The following CYP2C8 variants were observed in gnomAD, a reference collection of about 807,000 sequenced individuals.
CYP2C8 encodes cytochrome P450 family 2 subfamily C member 8, also known as cytochrome P450 2C8.
Under a neutral mutation model 41.3 loss-of-function variants are expected in CYP2C8, and 51 were observed. That is an observed-to-expected ratio of 1.24 (90% confidence interval 0.99 to 1.56). The LOEUF is 1.56. CYP2C8 is among the 40% of genes most tolerant of loss of function. The probability of loss-of-function intolerance (pLI) is 0.00; values close to 1 mark genes in which losing one functional copy is unlikely to be tolerated. For missense variants in CYP2C8, 651 were observed against 579.9 expected, an observed-to-expected ratio of 1.12 and a Z score of -1.26; for synonymous variants, 218 against 205.8, an observed-to-expected ratio of 1.06 and a Z score of -0.51.
intron 5 of CYP2C8, among the ~76,000 whole-genome samples, chr10:95,051,708 T>C (rs34909476): frequency 0.26 from 39,855 of 151,954 alleles, 5,449 homozygotes; most frequent in Non-Finnish European, 0.29. Context: ...ACAATATGCT[T>C]CTGAGTGAAC....
chr10:95,064,757 C>A (rs767481104), intron 4 of CYP2C8, 43 bp downstream of exon 4: 6 of 1,594,362 alleles, frequency 3.8e-6, no homozygotes, highest in Non-Finnish European at 5.2e-6. Flanking sequence ...TCCCTACAAC[C>A]TTGAATAAAT....
rs1421666513 is a variant in CYP2C8, at chr10:95,045,701, CAG to C, written c.961+107_961+108del. 7 of 1,365,414 alleles carry C rather than the reference CAG, an allele frequency of 5.1e-6. No individual in the cohort carries two copies. The Admixed American group carries it at 1.2e-4, about 23-fold the overall frequency. 84.6% of individuals were successfully genotyped at this position (1,365,414 alleles called of 1,614,324 possible). On this transcript the variant is annotated intron_variant, in intron 6 of 8. Transcript: ENST00000371270. ...TTTAGACAGATTACAGCTGATGACACAGAAATTTAAAGAATGAGCCTTCTCTG... is the reference window on the plus strand; with the variant it reads ...TTTAGACAGATTACAGCTGATGACACAAATTTAAAGAATGAGCCTTCTCTG...
At chr10:95,049,925 T>C (rs1226892480) in intron 5 of CYP2C8, among the ~76,000 whole-genome samples, 2 of 136,742 alleles carry the variant, frequency 1.5e-5, no homozygotes, top group Non-Finnish European at 3.1e-5. Flanking sequence ...TTTGGGTAAG[T>C]CTCTGAGGCT....
intron 5 of CYP2C8, among the ~76,000 whole-genome samples, chr10:95,054,547 G>A (rs1216330689): frequency 6.6e-6 from 1 of 152,066 alleles, no homozygotes; most frequent in Non-Finnish European, 1.5e-5. Context: ...TAGCACTTAA[G>A]GTCCTAGCCA....
intron 5 of CYP2C8, among the ~76,000 whole-genome samples, chr10:95,050,423 T>C (rs1198586881): frequency 6.6e-6 from 1 of 152,166 alleles, no homozygotes; most frequent in Non-Finnish European, 1.5e-5. Context: ...CTTGGAAACA[T>C]AGGCAGTAGC....
At chr10:95,043,407 A>C (rs11188151) in intron 6 of CYP2C8, among the ~76,000 whole-genome samples, 7,025 of 152,246 alleles carry the variant, frequency 0.046, 514 homozygotes, top group African/African-American at 0.15. Context: ...ACAATCAAAT[A>C]TGTATTATCA....
chr10:95,047,349 T>A (rs1300163427), intron 5 of CYP2C8, among the ~76,000 whole-genome samples: 1 of 152,192 alleles, frequency 6.6e-6, no homozygotes, highest in Non-Finnish European at 1.5e-5. Flanking sequence ...TATAGGTAAA[T>A]TAGGGCTATA....
chr10:95,064,757 C>T (rs767481104), intron 4 of CYP2C8, 43 bp downstream of exon 4: 3 of 1,594,362 alleles, frequency 1.9e-6, no homozygotes, highest in South Asian at 1.1e-5. Context: ...TCCCTACAAC[C>T]TTGAATAAAT....
chr10:95,065,348 G>A (rs1235245441), intron 3 of CYP2C8, among the ~76,000 whole-genome samples: 1 of 152,190 alleles, frequency 6.6e-6, no homozygotes, highest in Non-Finnish European at 1.5e-5. Flanking sequence ...GAAGAGAAAA[G>A]TTGGGGACCT....
chr10:95,059,638 T>C (rs191305096), intron 4 of CYP2C8, among the ~76,000 whole-genome samples: 4,234 of 152,330 alleles, frequency 0.028, 94 homozygotes, highest in Non-Finnish European at 0.045. Context: ...GCAGAAGCTC[T>C]TTAGTTTTAT....
intron 5 of CYP2C8, among the ~76,000 whole-genome samples, chr10:95,048,925 G>A (rs2033161608): frequency 6.6e-6 from 1 of 152,064 alleles, no homozygotes; most frequent in African/African-American, 2.4e-5. Context: ...AAGGATTTAT[G>A]ACTCAATGTT....
intron 8 of CYP2C8, 42 bp downstream of exon 8, chr10:95,038,855 C>T: frequency 1.2e-6 from 2 of 1,606,658 alleles, no homozygotes; most frequent in Non-Finnish European, 1.7e-6. Context: ...CCAAAAAGTT[C>T]TCTCTTTCCT....
At position 95,049,632 on chromosome 10, in the gene CYP2C8, T is replaced by C. The variant is rs527384151; in HGVS notation, c.820-3681A>G. ...CTACAAGCCTCATCACTGTGGACTA[T>C]AGGGCTCTGGGATGGTAAATAAACC... is the stretch of plus-strand genomic sequence containing the variant. On this transcript the variant is annotated intron_variant, in intron 5 of 8. Coordinates refer to ENST00000371270, the MANE Select transcript of CYP2C8 (RefSeq NM_000770.3). 3.9e-4 allele frequency among the ~76,000 whole-genome samples: 60 copies of C among 152,256 alleles called. 1 individual carries two copies. The highest frequency in any genetic ancestry group is 2.6e-3 in the Admixed American group (39 of 15,292).
chr10:95,044,808 G>A (rs1267914947), intron 6 of CYP2C8, among the ~76,000 whole-genome samples: 1 of 152,140 alleles, frequency 6.6e-6, no homozygotes, highest in Admixed American at 6.5e-5. Flanking sequence ...ATTCCCTACT[G>A]TCTTTGGCTC....
intron 1 of CYP2C8, among the ~76,000 whole-genome samples, chr10:95,068,091 A>G (rs1026210424): frequency 6.6e-6 from 1 of 152,160 alleles, no homozygotes; most frequent in African/African-American, 2.4e-5. Context: ...CAATTAATCA[A>G]TCCCCCATGT....
chr10:95,066,514 T>C (rs1419198216), intron 3 of CYP2C8, among the ~76,000 whole-genome samples: 1 of 152,206 alleles, frequency 6.6e-6, no homozygotes, highest in Non-Finnish European at 1.5e-5. Context: ...AGTTATACTA[T>C]AGATTATATT....
chr10:95,067,095 C>T (rs2033584694), intron 3 of CYP2C8, 113 bp downstream of exon 3: 2 of 1,456,950 alleles, frequency 1.4e-6, no homozygotes, highest in Non-Finnish European at 1.9e-6. Flanking sequence ...CACCTGAGGG[C>T]TGACAACCAG....
chr10:95,049,881 G>C (rs933069856), intron 5 of CYP2C8, among the ~76,000 whole-genome samples: 1 of 136,284 alleles, frequency 7.3e-6, no homozygotes, highest in African/African-American at 3.0e-5. Context: ...GGCTTGAATA[G>C]CTAGCAGCAA....
At chr10:95,061,633 A>G (rs1339566527) in intron 4 of CYP2C8, among the ~76,000 whole-genome samples, 3 of 151,938 alleles carry the variant, frequency 2.0e-5, no homozygotes, top group Admixed American at 6.5e-5. Flanking sequence ...TTGTGTCTCT[A>G]TTTCCTTCAG....
Sources: allele counts gnomAD v4.1 joint callset (sites outside exome capture counted in the v4.1 genomes callset), GRCh38; gene constraint gnomAD v4.1.1; transcripts MANE v1.5; gene names NCBI Gene and HGNC (gene_info 2026-07-23, HGNC 2026-07-21).